The following SEMA3A variants were observed in gnomAD, a reference collection of about 807,000 sequenced individuals.
SEMA3A encodes the protein semaphorin 3A.
SEMA3A carries 29 observed loss-of-function variants against 97.9 expected under a neutral mutation model. The observed-to-expected ratio is 0.30, with a 90% CI of 0.22 to 0.40. The LOEUF (loss-of-function observed/expected upper bound fraction) is 0.40. Among genes scored for constraint, SEMA3A ranks in the 10% least tolerant of loss-of-function variants. The pLI is 1.00. For missense variants in SEMA3A, 763 were observed against 951.3 expected, an observed-to-expected ratio of 0.80 and a Z score of 2.60; for synonymous variants, 321 against 323.7, an observed-to-expected ratio of 0.99 and a Z score of 0.09.
At chr7:84,014,390 TTAATAAA>T in intron 6 of SEMA3A, 39 bp from the exon 7 acceptor site, 1 of 1,517,144 alleles carries the variant, frequency 6.6e-7, no homozygotes, top group Non-Finnish European at 9.1e-7. Context: ...AATTCACAGC[TTAATAAA>T]TAATACCATT....
At chr7:84,480,793 A>T (rs1282634167) in intron 1 of SEMA3A, among the ~76,000 whole-genome samples, 4 of 152,168 alleles carry the variant, frequency 2.6e-5, no homozygotes, top group Non-Finnish European at 5.9e-5. Context: ...TACTGTGTCT[A>T]TGTTTAATCA....
chr7:84,081,013 C>A (rs1017528379), intron 4 of SEMA3A, among the ~76,000 whole-genome samples: 1 of 127,110 alleles, frequency 7.9e-6, no homozygotes, highest in Non-Finnish European at 1.9e-5. Flanking sequence ...GACATAGATT[C>A]CAACATAATT....
chr7:84,129,050 A>C (rs1021641302), intron 3 of SEMA3A, 73 bp downstream of exon 3: 158 of 1,181,842 alleles, frequency 1.3e-4, no homozygotes, highest in Non-Finnish European at 1.9e-4. Context: ...CAGAAATTTG[A>C]AACACTTTTG....
intron 1 of SEMA3A, among the ~76,000 whole-genome samples, chr7:84,469,845 TATA>T (rs1562957953): frequency 1.3e-5 from 2 of 152,006 alleles, no homozygotes; most frequent in African/African-American, 4.8e-5. Flanking sequence ...AGTTCTTACA[TATA>T]ATAAGACTAA....
At chr7:84,051,945 C>T (rs1174918584) in intron 5 of SEMA3A, among the ~76,000 whole-genome samples, 3 of 150,250 alleles carry the variant, frequency 2.0e-5, no homozygotes, top group Non-Finnish European at 3.0e-5. Context: ...TGTCAAAGGC[C>T]TTTTCTGCAT....
chr7:84,410,722 CTAATTA>C (rs1454315943), intron 1 of SEMA3A, among the ~76,000 whole-genome samples: 1 of 152,064 alleles, frequency 6.6e-6, no homozygotes, highest in Non-Finnish European at 1.5e-5. Context: ...ATTAGAGATT[CTAATTA>C]TATGTTTCTA....
chr7:84,000,130 T>C (rs796291462), intron 12 of SEMA3A, among the ~76,000 whole-genome samples: 4 of 152,250 alleles, frequency 2.6e-5, no homozygotes, highest in African/African-American at 7.2e-5. Context: ...AGTGCCTGTA[T>C]AGTTTTCTAA....
chr7:84,416,844 T>C (rs1479759999), intron 1 of SEMA3A, among the ~76,000 whole-genome samples: 4 of 152,118 alleles, frequency 2.6e-5, no homozygotes, highest in African/African-American at 9.7e-5. Flanking sequence ...GAGAAAAACT[T>C]GGAGCAAAAG....
chr7:84,477,347 G>A (rs1806317333), intron 1 of SEMA3A, among the ~76,000 whole-genome samples: 1 of 146,622 alleles, frequency 6.8e-6, no homozygotes, highest in South Asian at 2.2e-4. Context: ...GCTGAGGCAG[G>A]AGAATCACCT....
chr7:84,090,319 C>T (rs1290422833), intron 4 of SEMA3A, among the ~76,000 whole-genome samples: 1 of 152,076 alleles, frequency 6.6e-6, no homozygotes, highest in Non-Finnish European at 1.5e-5. Context: ...AATTTTCATT[C>T]AGAGAACTAA....
intron 3 of SEMA3A, among the ~76,000 whole-genome samples, chr7:84,281,709 A>G (rs1800443836): frequency 6.6e-6 from 1 of 152,162 alleles, no homozygotes; most frequent in Non-Finnish European, 1.5e-5. Context: ...TTCAAATTCC[A>G]TCTCTGTTGC....
intron 16 of SEMA3A, among the ~76,000 whole-genome samples, chr7:83,962,539 C>T (rs1333421282): frequency 1.3e-5 from 2 of 152,078 alleles, no homozygotes; most frequent in Admixed American, 6.6e-5. Context: ...TTTGTAAAAT[C>T]GTCTGCATAT....
chr7:83,974,000 G>A (rs189974003), intron 15 of SEMA3A, among the ~76,000 whole-genome samples: 13 of 151,254 alleles, frequency 8.6e-5, no homozygotes, highest in South Asian at 8.4e-4. Flanking sequence ...AATTGCCTTC[G>A]TCAGTCATTT....
intron 1 of SEMA3A, among the ~76,000 whole-genome samples, chr7:84,432,910 C>T (rs924785388): frequency 2.0e-5 from 3 of 148,680 alleles, no homozygotes; most frequent in African/African-American, 7.5e-5. Context: ...GGGCATATAC[C>T]TAGTAACAGG....
intron 1 of SEMA3A, among the ~76,000 whole-genome samples, chr7:84,457,874 A>G (rs1334105719): frequency 6.6e-6 from 1 of 152,050 alleles, no homozygotes; most frequent in Non-Finnish European, 1.5e-5. Flanking sequence ...AAGTATATAC[A>G]TCATACATTA....
chr7:84,233,249 T>C (rs1799156509), intron 3 of SEMA3A, among the ~76,000 whole-genome samples: 1 of 151,998 alleles, frequency 6.6e-6, no homozygotes, highest in Non-Finnish European at 1.5e-5. Context: ...GTAAAATTTA[T>C]GTTCTGTTGA....
intron 1 of SEMA3A, among the ~76,000 whole-genome samples, chr7:84,482,140 C>T (rs200881215): frequency 2.0e-5 from 1 of 50,244 alleles, no homozygotes; most frequent in Non-Finnish European, 3.5e-5. Flanking sequence ...TCAAACTTCT[C>T]ATCGTATAAG....
intron 2 of SEMA3A, among the ~76,000 whole-genome samples, chr7:84,330,650 CT>C (rs1288079690): frequency 2.0e-5 from 3 of 152,158 alleles, no homozygotes; most frequent in South Asian, 2.1e-4. Context: ...CTTTCTATCA[CT>C]TTTTTTCCCC....
chr7:84,013,614 C>T (rs3779437), intron 7 of SEMA3A, among the ~76,000 whole-genome samples: 15 of 151,930 alleles, frequency 9.9e-5, no homozygotes, highest in Non-Finnish European at 2.2e-4. Context: ...CCAGCCCTTT[C>T]GGGGGCCAAA....
Sources: allele counts gnomAD v4.1 joint callset (sites outside exome capture counted in the v4.1 genomes callset), GRCh38; gene constraint gnomAD v4.1.1; transcripts MANE v1.5; gene names NCBI Gene and HGNC (gene_info 2026-07-23, HGNC 2026-07-21).